The following UBAC2 variants were observed in gnomAD, a reference collection of about 807,000 sequenced individuals.
UBAC2 encodes ubiquitin-associated domain-containing protein 2.
In UBAC2, 26 loss-of-function variants were observed where a neutral mutation model predicts 44.0. That is an observed-to-expected ratio of 0.59 (90% CI 0.43 to 0.82). The LOEUF is 0.82. UBAC2 is among the 40% of genes least tolerant of loss of function. UBAC2 has a pLI of 0.00. For missense variants in UBAC2, 329 were observed against 419.4 expected (o/e 0.78, Z 1.88); for synonymous variants, 155 against 154.3 (o/e 1.00, Z -0.04).
chr13:99,218,416 C>T (rs539444558), intron 1 of UBAC2, among the ~76,000 whole-genome samples: 19 of 151,908 alleles, frequency 1.3e-4, no homozygotes, highest in African/African-American at 3.1e-4. Context: ...TTCCTCCCCT[C>T]TAATTCACAC....
chr13:99,377,238 C>A, intron 8 of UBAC2: 1 of 152,512 alleles, frequency 6.6e-6, no homozygotes, highest in South Asian at 2.1e-4. Flanking sequence ...TGAGGGAGAC[C>A]AGATCCATGC....
intron 7 of UBAC2, among the ~76,000 whole-genome samples, chr13:99,347,533 C>T (rs933504308): frequency 5.9e-5 from 9 of 151,962 alleles, no homozygotes; most frequent in Non-Finnish European, 1.3e-4. Flanking sequence ...CGCTGGTCCC[C>T]GTTCAAGTTA....
At chr13:99,286,426 ATTC>A (rs1313765429) in intron 4 of UBAC2, among the ~76,000 whole-genome samples, 1 of 152,090 alleles carries the variant, frequency 6.6e-6, no homozygotes, top group Non-Finnish European at 1.5e-5. Flanking sequence ...GGTATAACCT[ATTC>A]TTTGCTGGTG....
At chr13:99,362,555 G>T (rs1260725520) in intron 7 of UBAC2, among the ~76,000 whole-genome samples, 1 of 152,154 alleles carries the variant, frequency 6.6e-6, no homozygotes, top group East Asian at 1.9e-4. Flanking sequence ...TGCGAGTCTT[G>T]TGGGTATAAA....
rs560105762 is a variant in UBAC2 at position 99,208,172 on chromosome 13, T to G, written c.31+7233T>G. On this transcript the variant is annotated intron_variant, in intron 1 of 8. Transcript: ENST00000403766. ...ACCACCACGCCTGGCTAATTTTGTA[T>G]TTTTAGTAGAGACGGGGTTTCTCCA... Among the ~76,000 whole-genome samples the G allele has an allele frequency of 1.9e-3, 286 of 152,160 alleles. 1 individual carries two copies. Among genetic ancestry groups the G allele is most frequent in the African/African-American group, 6.8e-3 (281 of 41,542 alleles).
chr13:99,355,611 C>G (rs1206543544), intron 7 of UBAC2, among the ~76,000 whole-genome samples: 2 of 152,236 alleles, frequency 1.3e-5, no homozygotes, highest in Non-Finnish European at 2.9e-5. Context: ...AAACCAAAAC[C>G]AAACCAAAAC....
chr13:99,232,421 TTC>T (rs2043186195), intron 1 of UBAC2, among the ~76,000 whole-genome samples: 8 of 139,842 alleles, frequency 5.7e-5, no homozygotes, highest in African/African-American at 7.8e-5. Flanking sequence ...TATATATATA[TTC>T]ACACACACAT....
intron 4 of UBAC2, among the ~76,000 whole-genome samples, chr13:99,307,578 A>AT (rs1283812360): frequency 1.3e-5 from 2 of 151,810 alleles, no homozygotes; most frequent in African/African-American, 4.8e-5. Flanking sequence ...TTTTATAGTG[A>AT]TTAAAAAAAA....
chr13:99,289,308 T>A (rs2044060276), intron 4 of UBAC2, among the ~76,000 whole-genome samples: 1 of 152,200 alleles, frequency 6.6e-6, no homozygotes, highest in Non-Finnish European at 1.5e-5. Context: ...GTGATTTGGA[T>A]GTAAGTGTAA....
chr13:99,339,480 G>A (rs1221889717), intron 6 of UBAC2, among the ~76,000 whole-genome samples: 1 of 152,178 alleles, frequency 6.6e-6, no homozygotes, highest in African/African-American at 2.4e-5. Context: ...TAAGTTCCCA[G>A]AACAGTGCCT....
chr13:99,311,026 T>A (rs373044787), intron 4 of UBAC2, among the ~76,000 whole-genome samples: 5 of 152,222 alleles, frequency 3.3e-5, no homozygotes, highest in Non-Finnish European at 7.3e-5. Context: ...GGAAGGGGGC[T>A]TTTTAAAACA....
At chr13:99,382,524 G>C (rs1762634974) in intron 8 of UBAC2, among the ~76,000 whole-genome samples, 1 of 152,180 alleles carries the variant, frequency 6.6e-6, no homozygotes, top group East Asian at 1.9e-4. Context: ...TGGCCTCACT[G>C]CCCTGGTGAG....
intron 4 of UBAC2, among the ~76,000 whole-genome samples, chr13:99,290,693 C>T (rs909699068): frequency 3.4e-5 from 5 of 149,224 alleles, no homozygotes; most frequent in African/African-American, 1.2e-4. Flanking sequence ...CCACTGCACT[C>T]CAGCCTGGGT....
chr13:99,255,304 G>A (rs1398977315), intron 4 of UBAC2: 12 of 1,614,048 alleles, frequency 7.4e-6, no homozygotes, highest in African/African-American at 2.7e-5. Flanking sequence ...TGTCAGTCGA[G>A]TGAGGTTCAG....
chr13:99,219,710 T>G (rs2043033971), intron 1 of UBAC2, among the ~76,000 whole-genome samples: 1 of 152,238 alleles, frequency 6.6e-6, no homozygotes. Context: ...TATTAAGCCG[T>G]CATGCCCTAT....
chr13:99,308,898 C>T (rs932815314), intron 4 of UBAC2: 1 of 152,186 alleles, frequency 6.6e-6, no homozygotes, highest in Non-Finnish European at 1.5e-5. Flanking sequence ...GGTGGATAAA[C>T]ATGACATCAT....
chr13:99,329,161 T>TA (rs1218758708), intron 6 of UBAC2, among the ~76,000 whole-genome samples: 2 of 152,346 alleles, frequency 1.3e-5, no homozygotes, highest in East Asian at 1.9e-4. Context: ...TGTCTGTCCT[T>TA]ACGCCAATAC....
chr13:99,340,466 A>G lies in UBAC2; in HGVS notation c.708A>G (p.Gly236=). The G allele has an allele frequency of 1.2e-6, 2 of 1,614,196 alleles. No homozygotes were observed. The highest frequency in any genetic ancestry group is 1.7e-6 in the Non-Finnish European group (2 of 1,180,044). The change falls in exon 7 of 9, where the codon GGA becomes GGG. Residue 236 remains glycine, a synonymous_variant. Coordinates refer to ENST00000403766, the MANE Select transcript of UBAC2 (RefSeq NM_001144072.2). ...EPTSEARIGM[G]ATLDIQRQQR... ...CCAGCGAAGCCAGAATTGGGATGGGAGCCACGCTGGACATCCAGAGACAGC... is the reference window on the plus strand; with the variant it reads ...CCAGCGAAGCCAGAATTGGGATGGGGGCCACGCTGGACATCCAGAGACAGC...
intron 1 of UBAC2, chr13:99,215,781 G>T: frequency 2.0e-6 from 2 of 976,456 alleles, no homozygotes; most frequent in Non-Finnish European, 3.1e-6. Flanking sequence ...TGAAGCTCAA[G>T]CAAGGCAGAG....
Sources: allele counts gnomAD v4.1 joint callset (sites outside exome capture counted in the v4.1 genomes callset), GRCh38; gene constraint gnomAD v4.1.1; transcripts MANE v1.5; gene names NCBI Gene and HGNC (gene_info 2026-07-23, HGNC 2026-07-21).